The following METRNL variants were observed in gnomAD, a reference collection of about 807,000 sequenced individuals.
The protein encoded by METRNL is meteorin-like protein.
A neutral mutation model predicts 17.4 loss-of-function variants in METRNL; 9 were observed. The ratio of observed to expected loss-of-function variants is 0.52; its 90% CI spans 0.31 to 0.90. The LOEUF is 0.90. Ranked by LOEUF, METRNL falls within the 40% of genes least tolerant of loss-of-function variation. The pLI, the probability that METRNL is intolerant of heterozygous loss-of-function variation, is 0.05. For synonymous variants in METRNL, 215 were observed against 199.3 expected, an observed-to-expected ratio of 1.08 and a Z score of -0.66; for missense variants, 408 against 430.7, an observed-to-expected ratio of 0.95 and a Z score of 0.47.
At chr17:83,089,757 C>T (rs1450745147) in intron 2 of METRNL, among the ~76,000 whole-genome samples, 1 of 152,130 alleles carries the variant, frequency 6.6e-6, no homozygotes, top group Admixed American at 6.5e-5. Context: ...CCGGCGTCCA[C>T]CGGCGTCCAC....
chr17:83,093,163 C>G lies in METRNL; in HGVS notation c.557-4C>G. 1 of 1,607,294 alleles carries G rather than the reference C, an allele frequency of 6.2e-7. No homozygotes were observed. The highest frequency in any genetic ancestry group is 8.5e-7 in the Non-Finnish European group (1 of 1,179,692). On this transcript the variant is annotated splice_polypyrimidine_tract_variant and splice_region_variant and intron_variant, in intron 2 of 3. Transcript: ENST00000320095. ...TGCTTCCTGACTCTGCCTTTCTTCT[C>G]CAGCGCCGTGCCGTCCCTGCAGTGA...
Position 83,090,633 on chromosome 17 carries a change from G to T in METRNL, c.557-2534G>T, listed in dbSNP as rs2038121305. ...GCTGCCATGGCTGCCCAGCCGGAGG[G>T]TGCTGCTCAGTGAGGGGACCCTCGG... On this transcript the variant is annotated intron_variant, in intron 2 of 3. Coordinates refer to ENST00000320095, the MANE Select transcript of METRNL (RefSeq NM_001004431.3). Among the ~76,000 whole-genome samples, 4 of 150,216 alleles carry T rather than the reference G, an allele frequency of 2.7e-5. No homozygotes were observed. In the South Asian group the frequency reaches 8.5e-4, roughly 32 times the overall value.
At chr17:83,089,307 C>T (rs1198134476) in intron 2 of METRNL, among the ~76,000 whole-genome samples, 8 of 152,046 alleles carry the variant, frequency 5.3e-5, no homozygotes, top group African/African-American at 1.7e-4. Context: ...CGTGTCCCCC[C>T]GCTACCCCGT....
At chr17:83,081,249 CCCT>C (rs1568334075) in intron 1 of METRNL, among the ~76,000 whole-genome samples, 1 of 152,122 alleles carries the variant, frequency 6.6e-6, no homozygotes, top group African/African-American at 2.4e-5. Context: ...CTGGGGCCGC[CCCT>C]GCCCCCGCGG....
chr17:83,091,604 C>G (rs891111575), intron 2 of METRNL, among the ~76,000 whole-genome samples: 22 of 152,362 alleles, frequency 1.4e-4, no homozygotes, highest in African/African-American at 5.0e-4. Flanking sequence ...CCCCAGTCAC[C>G]AGCAGCTGGC....
At chr17:83,091,591 G>A (rs549272428) in intron 2 of METRNL, among the ~76,000 whole-genome samples, 1 of 152,320 alleles carries the variant, frequency 6.6e-6, no homozygotes, top group East Asian at 1.9e-4. Context: ...TGTCCCCTGG[G>A]ACCCCCAGTC....
In METRNL at chr17:83,085,186, G is replaced by C. The variant is rs748386233; in HGVS notation, c.419G>C (p.Arg140Pro). 3.1e-6 allele frequency: 5 copies of C among 1,611,234 alleles called. No homozygotes were observed. The African/African-American group carries it at 6.7e-5, about 22-fold the overall frequency. Residue 140 changes from arginine to proline, a missense_variant, in exon 2 of 4, where the codon CGG becomes CCG. Transcript: ENST00000320095. ...CCAGACGGGGACGGCAGGCCCGGCCGGGTGCAGTGTTTTGGCCTGGAGCAG... is the reference window on the plus strand; with the variant it reads ...CCAGACGGGGACGGCAGGCCCGGCCCGGTGCAGTGTTTTGGCCTGGAGCAG... ...LVPDGDGRPG[R>P]VQCFGLEQGG...
intron 2 of METRNL, among the ~76,000 whole-genome samples, chr17:83,087,566 C>T (rs935111300): frequency 4.6e-5 from 7 of 152,172 alleles, no homozygotes; most frequent in South Asian, 2.1e-4. Flanking sequence ...CATCAGGGGA[C>T]GGGGGCCCCT....
At chr17:83,086,905 C>T (rs998677164) in intron 2 of METRNL, among the ~76,000 whole-genome samples, 3 of 152,044 alleles carry the variant, frequency 2.0e-5, no homozygotes, top group Non-Finnish European at 2.9e-5. Flanking sequence ...GACTTTGTCT[C>T]TCCTGCCTCT....
chr17:83,084,873 T>G, intron 1 of METRNL, 65 bp from the exon 2 acceptor site: 3 of 1,544,900 alleles, frequency 1.9e-6, no homozygotes, highest in Admixed American at 1.8e-5. Flanking sequence ...ACTGACTCTC[T>G]GTGGGTGCGG....
chr17:83,085,459 C>T (rs890740485), intron 2 of METRNL, 136 bp downstream of exon 2: 5 of 1,235,108 alleles, frequency 4.0e-6, no homozygotes, highest in Non-Finnish European at 5.5e-6. Flanking sequence ...GTGCTTCGGA[C>T]ATGACTGTTT....
intron 2 of METRNL, among the ~76,000 whole-genome samples, chr17:83,090,967 G>C (rs2143648729): frequency 2.0e-5 from 3 of 152,294 alleles, no homozygotes; most frequent in Admixed American, 2.0e-4. Flanking sequence ...CCACATAGGT[G>C]AACTAAGTGT....
At chr17:83,081,282 G>T (rs1600482727) in intron 1 of METRNL, among the ~76,000 whole-genome samples, 1 of 152,144 alleles carries the variant, frequency 6.6e-6, no homozygotes, top group East Asian at 1.9e-4. Flanking sequence ...GCCCCGGCTC[G>T]CTGCCTCTGC....
At chr17:83,089,036 A>G (rs901089474) in intron 2 of METRNL, among the ~76,000 whole-genome samples, 1 of 151,550 alleles carries the variant, frequency 6.6e-6, no homozygotes, top group Non-Finnish European at 1.5e-5. Flanking sequence ...CTTCCTCACC[A>G]GGAAGAGGGA....
chr17:83,080,863 C>G, intron 1 of METRNL, among the ~76,000 whole-genome samples: 3 of 148,194 alleles, frequency 2.0e-5, no homozygotes, highest in Admixed American at 2.0e-4. Context: ...GCGCGGCCCC[C>G]GCCCCCGCCC....
At chr17:83,081,188 G>C (rs1208818805) in intron 1 of METRNL, among the ~76,000 whole-genome samples, 1 of 151,988 alleles carries the variant, frequency 6.6e-6, no homozygotes. Flanking sequence ...AGGTCTGGGG[G>C]GGGTCGGCCG....
intron 1 of METRNL, 70 bp from the exon 2 acceptor site, chr17:83,084,868 C>T (rs529937163): frequency 6.5e-7 from 1 of 1,538,006 alleles, no homozygotes; most frequent in East Asian, 2.3e-5. Flanking sequence ...TCCTCACTGA[C>T]TCTCTGTGGG....
Position 83,094,757 on chromosome 17 carries a change from A to G in METRNL, c.*182A>G. 2.4e-6 allele frequency: 1 copy of G among 420,546 alleles called. No homozygotes were observed. Among genetic ancestry groups the G allele is most frequent in the Non-Finnish European group, 4.1e-6 (1 of 245,842 alleles). 26.1% of individuals were successfully genotyped at this position (420,546 alleles called of 1,614,324 possible). ...ACTCAACCCCATGAGCTTCCAGCCA[A>G]GGATGCCCTGGCCGATTGGAAATGC... On this transcript the variant is annotated 3_prime_UTR_variant, in exon 4 of 4. Transcript: ENST00000320095.
At chr17:83,087,696 G>T (rs1205590407) in intron 2 of METRNL, among the ~76,000 whole-genome samples, 1 of 152,170 alleles carries the variant, frequency 6.6e-6, no homozygotes, top group Non-Finnish European at 1.5e-5. Flanking sequence ...CCAGCGCCGC[G>T]GTTTCCCTTG....
Sources: allele counts gnomAD v4.1 joint callset (sites outside exome capture counted in the v4.1 genomes callset), GRCh38; gene constraint gnomAD v4.1.1; transcripts MANE v1.5; gene names NCBI Gene and HGNC (gene_info 2026-07-23, HGNC 2026-07-21).